The following TXLNB variants were observed in gnomAD, a reference collection of about 807,000 sequenced individuals.
TXLNB encodes taxilin beta.
In TXLNB, 37 loss-of-function variants were observed where a neutral mutation model predicts 57.4. That is an observed-to-expected ratio of 0.64 (90% CI 0.50 to 0.85). The LOEUF (loss-of-function observed/expected upper bound fraction) is 0.85. TXLNB is among the 40% of genes least tolerant of loss of function. The probability of loss-of-function intolerance (pLI) is 0.00; values close to 1 mark genes in which losing one functional copy is unlikely to be tolerated. For synonymous variants in TXLNB, 302 were observed against 309.6 expected, an observed-to-expected ratio of 0.98 and a Z score of 0.26; for missense variants, 848 against 825.6, an observed-to-expected ratio of 1.03 and a Z score of -0.33.
chr6:139,279,516 G>A (rs1776989921), intron 2 of TXLNB, among the ~76,000 whole-genome samples: 1 of 152,134 alleles, frequency 6.6e-6, no homozygotes. Context: ...CTGGAGATGG[G>A]CATGTGCAGA....
the TXLNB span, chr6:139,169,828 T>C: frequency 6.6e-5 from 10 of 152,354 alleles, no homozygotes; most frequent in East Asian, 1.9e-3. Context: ...TGTCACATTT[T>C]GTTCATCAGT....
At chr6:139,310,734 GC>G in the TXLNB span, among the ~76,000 whole-genome samples, 992 of 152,190 alleles carry the variant, frequency 6.5e-3, 36 homozygotes, top group Admixed American at 0.044. Flanking sequence ...TCACTCTGTC[GC>G]CCAGGCTGGA....
chr6:139,312,261 T>C, the TXLNB span, among the ~76,000 whole-genome samples: 3 of 152,154 alleles, frequency 2.0e-5, no homozygotes, highest in Non-Finnish European at 4.4e-5. Context: ...GAAGAGCCAA[T>C]CTTAGGACAT....
the TXLNB span, among the ~76,000 whole-genome samples, chr6:139,205,856 C>G: frequency 1.3e-5 from 2 of 152,110 alleles, no homozygotes; most frequent in African/African-American, 2.4e-5. Context: ...AGAAGACCAT[C>G]ACCAAGGAAC....
At chr6:139,166,931 C>T in the TXLNB span, 1 of 1,614,150 alleles carries the variant, frequency 6.2e-7, no homozygotes, top group Non-Finnish European at 8.5e-7. Context: ...TCTGGAGCCT[C>T]ACAAGAAGGC....
downstream of TXLNB, among the ~76,000 whole-genome samples, chr6:139,236,129 G>A (rs574599668): frequency 2.4e-4 from 36 of 152,216 alleles, no homozygotes; most frequent in Non-Finnish European, 4.1e-4. Context: ...CTAAGCCCAC[G>A]TGTGATCCAA....
chr6:139,199,246 T>C, the TXLNB span, among the ~76,000 whole-genome samples: 1 of 152,224 alleles, frequency 6.6e-6, no homozygotes, highest in African/African-American at 2.4e-5. Context: ...AATTTTCCTT[T>C]CTAATCTTCC....
chr6:139,322,045 T>C, the TXLNB span, among the ~76,000 whole-genome samples: 1 of 151,994 alleles, frequency 6.6e-6, no homozygotes, highest in Non-Finnish European at 1.5e-5. Context: ...GGCACCATCA[T>C]AGCACATTAA....
the TXLNB span, among the ~76,000 whole-genome samples, chr6:139,297,459 C>T: frequency 1.3e-5 from 2 of 152,132 alleles, no homozygotes; most frequent in Non-Finnish European, 2.9e-5. Flanking sequence ...CTAAATGATT[C>T]ACTTAAGATC....
the TXLNB span, among the ~76,000 whole-genome samples, chr6:139,315,197 A>G: frequency 1.3e-5 from 2 of 152,054 alleles, no homozygotes; most frequent in African/African-American, 4.8e-5. Context: ...CTATGATTCC[A>G]TCTCCAACCT....
chr6:139,175,471 T>C, the TXLNB span, among the ~76,000 whole-genome samples: 1 of 152,242 alleles, frequency 6.6e-6, no homozygotes, highest in Admixed American at 6.5e-5. Flanking sequence ...ATAGTTATTG[T>C]GCCTTGATGC....
intron 3 of TXLNB, chr6:139,271,985 C>T (rs1776775620): frequency 6.6e-6 from 1 of 152,268 alleles, no homozygotes; most frequent in Non-Finnish European, 1.5e-5. Context: ...CACATGAGTC[C>T]TGACACGTGC....
the TXLNB span, chr6:139,166,808 G>A: frequency 4.3e-6 from 7 of 1,613,662 alleles, no homozygotes; most frequent in East Asian, 4.5e-5. Flanking sequence ...CCGTTCCCCC[G>A]GTGGCTCCCC....
the TXLNB span, among the ~76,000 whole-genome samples, chr6:139,305,488 A>G: frequency 2.0e-5 from 3 of 152,332 alleles, no homozygotes; most frequent in Middle Eastern, 6.8e-3. Context: ...TAGTTATATA[A>G]CATCTGTGGA....
rs144432849 is a variant in TXLNB, at chr6:139,256,623, C to T, written c.1003-985G>A. ...GATCATAGGCGTGAGCCGCCGTGCC[C>T]GGCCAACAACTGTTTCTTTAGAGTA... is the stretch of plus-strand genomic sequence containing the variant. On this transcript the variant is annotated intron_variant, in intron 6 of 9. Coordinates refer to ENST00000358430, the MANE Select transcript of TXLNB (RefSeq NM_153235.4). 9.8e-5 allele frequency among the ~76,000 whole-genome samples: 15 copies of T among 152,342 alleles called. 1 individual carries two copies. Among genetic ancestry groups the T allele is most frequent in the South Asian group, 4.1e-4 (2 of 4,828 alleles).
the TXLNB span, among the ~76,000 whole-genome samples, chr6:139,304,498 G>A: frequency 9.9e-5 from 15 of 152,180 alleles, no homozygotes; most frequent in Non-Finnish European, 2.9e-5. Flanking sequence ...CACTAAAAGA[G>A]CAGTAAAAGA....
the TXLNB span, among the ~76,000 whole-genome samples, chr6:139,228,747 C>T: frequency 4.6e-5 from 7 of 152,056 alleles, no homozygotes; most frequent in Non-Finnish European, 7.4e-5. Flanking sequence ...TACACGTGGG[C>T]GAGCACACTG....
chr6:139,290,134 C>G (rs1400584283), intron 1 of TXLNB, among the ~76,000 whole-genome samples: 4 of 152,118 alleles, frequency 2.6e-5, no homozygotes, highest in African/African-American at 9.7e-5. Context: ...TGTCTGTAAT[C>G]CCAGCACTTT....
chr6:139,185,863 A>G, the TXLNB span, among the ~76,000 whole-genome samples: 1 of 152,090 alleles, frequency 6.6e-6, no homozygotes, highest in Admixed American at 6.5e-5. Context: ...TTACCTGCCT[A>G]TCTCTCTCTT....
Sources: allele counts gnomAD v4.1 joint callset (sites outside exome capture counted in the v4.1 genomes callset), GRCh38; gene constraint gnomAD v4.1.1; transcripts MANE v1.5; gene names NCBI Gene and HGNC (gene_info 2026-07-23, HGNC 2026-07-21).